Variants in GBE1 observed in about 807,000 individuals in gnomAD.
GBE1 encodes the protein 1,4-alpha-glucan-branching enzyme.
GBE1 carries 70 observed loss-of-function variants against 88.8 expected under a neutral mutation model. The ratio of observed to expected loss-of-function variants is 0.79; its 90% CI spans 0.65 to 0.96. The LOEUF (loss-of-function observed/expected upper bound fraction) is 0.96. Among genes scored for constraint, GBE1 ranks in the 40% least tolerant of loss-of-function variants. GBE1 has a pLI of 0.00. For synonymous variants in GBE1, 284 were observed against 300.1 expected, an observed-to-expected ratio of 0.95 and a Z score of 0.56; for missense variants, 872 against 871.0, an observed-to-expected ratio of 1.00 and a Z score of -0.01.
At chr3:81,574,921 T>G (rs973183989) in intron 12 of GBE1, among the ~76,000 whole-genome samples, 13 of 152,100 alleles carry the variant, frequency 8.5e-5, no homozygotes, top group African/African-American at 3.1e-4. Context: ...TCCCAGCACT[T>G]TGGGAGGCCG....
At chr3:81,679,059 T>A (rs1705302042) in intron 2 of GBE1, among the ~76,000 whole-genome samples, 1 of 152,054 alleles carries the variant, frequency 6.6e-6, no homozygotes, top group Non-Finnish European at 1.5e-5. Context: ...AGGGAACAGA[T>A]GAAACAACAC....
chr3:81,578,009 CT>C lies in GBE1; in HGVS notation c.1533del (p.Val512LeufsTer11). The C allele has an allele frequency of 2.5e-6, 4 of 1,609,338 alleles. No individual in the cohort carries two copies. Among genetic ancestry groups the C allele is most frequent in the Non-Finnish European group, 3.4e-6 (4 of 1,178,108 alleles). ...TGAAGCTGTATTCCACGATCAATAA[CT>C]GGAGTAAAAGGAGTCAGGACACTCA... ...TNMSVLTPFT[P>X]VIDRGIQLHK... On this transcript the variant is annotated frameshift_variant, in exon 12 of 16. Transcript: ENST00000429644. LOFTEE classifies it high-confidence loss of function.
At chr3:81,640,543 A>G (rs527998666) in intron 7 of GBE1, among the ~76,000 whole-genome samples, 121 of 152,032 alleles carry the variant, frequency 8.0e-4, no homozygotes, top group Middle Eastern at 3.4e-3. Context: ...CAGATGACCT[A>G]TTGTGGGAAT....
intron 7 of GBE1, among the ~76,000 whole-genome samples, chr3:81,628,631 A>C (rs115240223): frequency 0.014 from 2,189 of 151,290 alleles, 59 homozygotes; most frequent in African/African-American, 0.05. Context: ...TTCTTTGAAA[A>C]TTCATGACAA....
At chr3:81,748,076 C>G (rs994532720) in intron 1 of GBE1, among the ~76,000 whole-genome samples, 1 of 152,054 alleles carries the variant, frequency 6.6e-6, no homozygotes, top group Non-Finnish European at 1.5e-5. Flanking sequence ...GCCGAGATCA[C>G]GCCACTGCAC....
In GBE1 at chr3:81,716,204, TTAGTC is replaced by T. The variant is rs1223395926; in HGVS notation, c.144-10596_144-10592del. 5.9e-5 allele frequency among the ~76,000 whole-genome samples: 9 copies of T among 152,320 alleles called. 1 individual carries two copies. The highest frequency in any genetic ancestry group is 2.1e-4 in the South Asian group (1 of 4,826). ...AATTAAGTCATAGTTTTGTTCTTAC[TTAGTC>T]TAAAGTTAAGTGCAATGAAAATTGG... On this transcript the variant is annotated intron_variant, in intron 1 of 15. Transcript: ENST00000429644.
intron 2 of GBE1, among the ~76,000 whole-genome samples, chr3:81,697,919 T>C (rs1250409433): frequency 6.6e-6 from 1 of 151,572 alleles, no homozygotes; most frequent in Non-Finnish European, 1.5e-5. Context: ...CCATGAACCA[T>C]GGATAAAAAC....
intron 1 of GBE1, among the ~76,000 whole-genome samples, chr3:81,715,800 C>G (rs1002851905): frequency 6.6e-6 from 1 of 151,418 alleles, no homozygotes; most frequent in Non-Finnish European, 1.5e-5. Flanking sequence ...ATAACCAGCC[C>G]ACAAAAAATA....
intron 12 of GBE1, among the ~76,000 whole-genome samples, chr3:81,546,008 T>C (rs1194567025): frequency 6.6e-6 from 1 of 152,204 alleles, no homozygotes. Flanking sequence ...ACTGGCATAC[T>C]GTTATAATAG....
intron 1 of GBE1, among the ~76,000 whole-genome samples, chr3:81,722,124 T>C (rs868840455): frequency 3.0e-4 from 45 of 152,198 alleles, no homozygotes; most frequent in African/African-American, 8.0e-4. Context: ...AAAATTCTTA[T>C]GGGAAAACTT....
intron 2 of GBE1, among the ~76,000 whole-genome samples, chr3:81,679,894 T>C (rs1705313071): frequency 6.6e-6 from 1 of 152,130 alleles, no homozygotes; most frequent in African/African-American, 2.4e-5. Flanking sequence ...TATCTCAAAA[T>C]AGATTTTATG....
At chr3:81,662,693 A>G (rs966654853) in intron 3 of GBE1, among the ~76,000 whole-genome samples, 4 of 151,946 alleles carry the variant, frequency 2.6e-5, no homozygotes, top group African/African-American at 9.7e-5. Flanking sequence ...AAGAAAATGA[A>G]AGTTACCAAT....
intron 6 of GBE1, among the ~76,000 whole-genome samples, chr3:81,645,927 C>T (rs1016049153): frequency 6.6e-6 from 1 of 152,142 alleles, no homozygotes; most frequent in African/African-American, 2.4e-5. Context: ...TGCATAGAAT[C>T]CCTTGGTGTC....
At chr3:81,510,100 T>C (rs1702705412) in intron 14 of GBE1, among the ~76,000 whole-genome samples, 1 of 152,048 alleles carries the variant, frequency 6.6e-6, no homozygotes, top group Non-Finnish European at 1.5e-5. Context: ...ACTGGTTAGC[T>C]TTCTCTATAA....
intron 10 of GBE1, among the ~76,000 whole-genome samples, chr3:81,585,135 C>A (rs182868110): frequency 6.6e-6 from 1 of 151,912 alleles, no homozygotes; most frequent in East Asian, 1.9e-4. Context: ...TGCTTTTTGA[C>A]CTGATAATGT....
At chr3:81,687,794 G>A (rs893700570) in intron 2 of GBE1, among the ~76,000 whole-genome samples, 1 of 152,190 alleles carries the variant, frequency 6.6e-6, no homozygotes, top group Non-Finnish European at 1.5e-5. Flanking sequence ...CGTTGAAAAA[G>A]AGATCAAGGA....
At chr3:81,705,670 C>A in intron 1 of GBE1, 57 bp from the exon 2 acceptor site, 1 of 1,201,710 alleles carries the variant, frequency 8.3e-7, no homozygotes, top group Non-Finnish European at 1.1e-6. Flanking sequence ...TCTAGAAAAG[C>A]TACTGTAATT....
At chr3:81,505,263 A>G (rs1449727489) in intron 14 of GBE1, among the ~76,000 whole-genome samples, 1 of 152,224 alleles carries the variant, frequency 6.6e-6, no homozygotes, top group Non-Finnish European at 1.5e-5. Context: ...TGACCCCAGG[A>G]AAGAGAATTT....
At chr3:81,501,880 G>A (rs865991956) in intron 14 of GBE1, among the ~76,000 whole-genome samples, 15 of 150,880 alleles carry the variant, frequency 9.9e-5, no homozygotes, top group Middle Eastern at 3.4e-3. Flanking sequence ...TATATTTTTC[G>A]TAGAGATGGG....
Sources: allele counts gnomAD v4.1 joint callset (sites outside exome capture counted in the v4.1 genomes callset), GRCh38; gene constraint gnomAD v4.1.1; transcripts MANE v1.5; gene names NCBI Gene and HGNC (gene_info 2026-07-23, HGNC 2026-07-21).